The following MERTK variants were observed in gnomAD, a reference collection of about 807,000 sequenced individuals.
MERTK encodes tyrosine-protein kinase Mer.
A neutral mutation model predicts 99.3 loss-of-function variants in MERTK; 69 were observed. The ratio of observed to expected loss-of-function variants is 0.70; its 90% CI spans 0.57 to 0.85. MERTK has a LOEUF of 0.85. Among genes scored for constraint, MERTK ranks in the 40% least tolerant of loss-of-function variants. The pLI is 0.00. For synonymous variants in MERTK, 426 were observed against 467.6 expected, an observed-to-expected ratio of 0.91 and a Z score of 1.15; for missense variants, 1,125 against 1,249.4, an observed-to-expected ratio of 0.90 and a Z score of 1.50.
intron 7 of MERTK, among the ~76,000 whole-genome samples, chr2:111,979,101 G>A (rs1485691954): frequency 6.6e-6 from 1 of 152,162 alleles, no homozygotes; most frequent in Non-Finnish European, 1.5e-5. Flanking sequence ...TTCCTTTAGA[G>A]GCATCCTAAG....
At chr2:111,911,372 C>T (rs769473713) in intron 1 of MERTK, among the ~76,000 whole-genome samples, 11 of 151,252 alleles carry the variant, frequency 7.3e-5, no homozygotes, top group Non-Finnish European at 2.9e-5. Flanking sequence ...TATCCAATCT[C>T]CTCCTTTTGT....
intron 15 of MERTK, among the ~76,000 whole-genome samples, chr2:112,012,284 G>C (rs1258654209): frequency 1.7e-5 from 2 of 118,262 alleles, no homozygotes; most frequent in South Asian, 2.8e-4. Context: ...GCCACACACA[G>C]AAATGTGCAT....
At chr2:111,930,723 T>C (rs1684655345) in intron 2 of MERTK, among the ~76,000 whole-genome samples, 2 of 152,192 alleles carry the variant, frequency 1.3e-5, no homozygotes, top group African/African-American at 4.8e-5. Flanking sequence ...AGGGATAAGC[T>C]AAGCCAGGAC....
intron 1 of MERTK, among the ~76,000 whole-genome samples, chr2:111,915,320 C>G (rs533951271): frequency 1.6e-4 from 24 of 151,598 alleles, no homozygotes; most frequent in African/African-American, 5.6e-4. Context: ...TTGGTCTTTT[C>G]AAAGAATTTG....
Position 111,979,213 on chromosome 2 carries a change from G to A in MERTK, c.1145-3629G>A, listed in dbSNP as rs543780384. Among the ~76,000 whole-genome samples, 3 of 152,228 alleles carry A rather than the reference G, an allele frequency of 2.0e-5. No homozygotes were observed. In the East Asian group the frequency reaches 5.8e-4, roughly 29 times the overall value. The stretch of plus-strand genomic sequence containing the variant: ...CTTCCACAAAATGTATACATAAAAA[G>A]TAAAGATTGTGGGAACTTGCATATC... On this transcript the variant is annotated intron_variant, in intron 7 of 18. Coordinates refer to ENST00000295408, the MANE Select transcript of MERTK (RefSeq NM_006343.3).
chr2:111,929,618 A>G, intron 2 of MERTK, 78 bp downstream of exon 2: 2 of 1,205,114 alleles, frequency 1.7e-6, no homozygotes, highest in Non-Finnish European at 2.2e-6. Context: ...ACAGAGTATC[A>G]TTCTGTAGCC....
chr2:111,904,708 A>G (rs1027694957), intron 1 of MERTK, among the ~76,000 whole-genome samples: 4 of 152,208 alleles, frequency 2.6e-5, no homozygotes, highest in African/African-American at 9.6e-5. Context: ...ACATCGAGCT[A>G]GGTTTTCCCA....
At position 111,920,437 on chromosome 2, in the gene MERTK, C is replaced by T. The variant is rs370894472; in HGVS notation, c.62-8683C>T. ...TGCTACACTTAGGGCAAATGGGTGG[C>T]GTGATCGCCTCTTCCTCCTTTAACA... On this transcript the variant is annotated intron_variant, in intron 1 of 18. Coordinates refer to ENST00000295408, the MANE Select transcript of MERTK (RefSeq NM_006343.3). 2.4e-4 allele frequency among the ~76,000 whole-genome samples: 37 copies of T among 152,258 alleles called. 1 individual carries two copies. The highest frequency in any genetic ancestry group is 8.7e-4 in the African/African-American group (36 of 41,544).
At chr2:111,978,777 A>G (rs1676308568) in intron 7 of MERTK, among the ~76,000 whole-genome samples, 1 of 152,202 alleles carries the variant, frequency 6.6e-6, no homozygotes, top group South Asian at 2.1e-4. Flanking sequence ...TGAGAATTTT[A>G]CAGTGTTGGA....
chr2:111,973,010 C>A (rs1200862206), intron 6 of MERTK, among the ~76,000 whole-genome samples: 1 of 152,168 alleles, frequency 6.6e-6, no homozygotes, highest in African/African-American at 2.4e-5. Context: ...GCAGGACACA[C>A]CCTCTCACTT....
At chr2:111,983,159 T>G (rs1232534436) in intron 8 of MERTK, among the ~76,000 whole-genome samples, 166 bp downstream of exon 8, 1 of 152,230 alleles carries the variant, frequency 6.6e-6, no homozygotes, top group Non-Finnish European at 1.5e-5. Context: ...TAGAGGTGAC[T>G]GAACAGTTAC....
At chr2:111,953,403 G>T (rs1477252862) in intron 4 of MERTK, among the ~76,000 whole-genome samples, 1 of 152,120 alleles carries the variant, frequency 6.6e-6, no homozygotes, top group South Asian at 2.1e-4. Flanking sequence ...ATTTTTCTTA[G>T]TGACAGTATT....
chr2:111,964,408 C>T (rs1370022454), intron 4 of MERTK, among the ~76,000 whole-genome samples: 1 of 148,348 alleles, frequency 6.7e-6, no homozygotes. Flanking sequence ...TGCGCGCGCG[C>T]ACGCGCATGT....
intron 18 of MERTK, chr2:112,022,655 A>G (rs1027611220): frequency 2.8e-6 from 2 of 709,620 alleles, no homozygotes; most frequent in African/African-American, 1.7e-5. Flanking sequence ...CGGTCAAGAC[A>G]AGGCAATGGC....
chr2:111,980,870 C>T (rs1388321597), intron 7 of MERTK, among the ~76,000 whole-genome samples: 1 of 152,130 alleles, frequency 6.6e-6, no homozygotes, highest in African/African-American at 2.4e-5. Flanking sequence ...ATCTCTTTTT[C>T]AGCTTTCAAA....
At chr2:111,950,763 A>T (rs1685040518) in intron 4 of MERTK, among the ~76,000 whole-genome samples, 1 of 152,182 alleles carries the variant, frequency 6.6e-6, no homozygotes, top group Non-Finnish European at 1.5e-5. Context: ...GCCCAATTCT[A>T]TAAAAATCCT....
At chr2:111,898,926 C>T (rs879944231) in intron 1 of MERTK, 130 bp downstream of exon 1, 185 of 968,388 alleles carry the variant, frequency 1.9e-4, no homozygotes, top group Middle Eastern at 1.6e-3. Flanking sequence ...ACCCTCCACC[C>T]ACTGCGGTGC....
At chr2:111,999,822 AT>A (rs1271026234) in intron 10 of MERTK, among the ~76,000 whole-genome samples, 1 of 152,182 alleles carries the variant, frequency 6.6e-6, no homozygotes, top group Non-Finnish European at 1.5e-5. Context: ...GGATGGTGGA[AT>A]TATCATTAGT....
chr2:111,946,382 A>C (rs190948185), intron 3 of MERTK, among the ~76,000 whole-genome samples: 1 of 152,344 alleles, frequency 6.6e-6, no homozygotes, highest in Admixed American at 6.5e-5. Context: ...CATAACTGCC[A>C]CGTCATTCCT....
Sources: allele counts gnomAD v4.1 joint callset (sites outside exome capture counted in the v4.1 genomes callset), GRCh38; gene constraint gnomAD v4.1.1; transcripts MANE v1.5; gene names NCBI Gene and HGNC (gene_info 2026-07-23, HGNC 2026-07-21).